Variants in NRXN1 observed in about 807,000 individuals in gnomAD.
NRXN1 encodes the protein neurexin 1.
Under a neutral mutation model 150.9 loss-of-function variants are expected in NRXN1, and 39 were observed. That is an observed-to-expected ratio of 0.26 (90% confidence interval 0.20 to 0.34). The LOEUF (loss-of-function observed/expected upper bound fraction) is 0.34. NRXN1 is among the 10% of genes least tolerant of loss of function. The pLI, the probability that NRXN1 is intolerant of heterozygous loss-of-function variation, is 1.00. For missense variants in NRXN1, 1,815 were observed against 1,949.9 expected (o/e 0.93, Z 1.30); for synonymous variants, 924 against 757.0 (o/e 1.22, Z -3.62).
chr2:50,289,120 G>T (rs1380213311), intron 17 of NRXN1, among the ~76,000 whole-genome samples: 2 of 152,084 alleles, frequency 1.3e-5, no homozygotes, highest in East Asian at 3.9e-4. Flanking sequence ...GCTTGGTTTG[G>T]GAAATGACTT....
At chr2:50,631,200 G>A (rs1682258614) in intron 5 of NRXN1, 1 of 405,918 alleles carries the variant, frequency 2.5e-6, no homozygotes, top group Admixed American at 3.8e-5. Context: ...TGTAAATTCT[G>A]AGTCTAACTT....
intron 17 of NRXN1, among the ~76,000 whole-genome samples, chr2:50,324,679 C>A (rs1186779551): frequency 6.6e-6 from 1 of 152,204 alleles, no homozygotes; most frequent in Non-Finnish European, 1.5e-5. Context: ...GTAGCTGGGA[C>A]TGCAGGCGCC....
chr2:50,767,338 C>T (rs1174335557), intron 5 of NRXN1, among the ~76,000 whole-genome samples: 3 of 151,922 alleles, frequency 2.0e-5, no homozygotes, highest in Non-Finnish European at 4.4e-5. Context: ...TGTATATTTT[C>T]TCCCCCTTAT....
At chr2:50,065,609 G>C (rs1695234742) in intron 19 of NRXN1, among the ~76,000 whole-genome samples, 1 of 152,186 alleles carries the variant, frequency 6.6e-6, no homozygotes, top group Non-Finnish European at 1.5e-5. Flanking sequence ...CAGTGAAGCA[G>C]AGGTAAGTAA....
At chr2:50,084,202 G>A (rs1490895132) in intron 19 of NRXN1, among the ~76,000 whole-genome samples, 1 of 152,230 alleles carries the variant, frequency 6.6e-6, no homozygotes, top group Non-Finnish European at 1.5e-5. Flanking sequence ...CGGGGCGGCA[G>A]ATGGAGCTGC....
intron 12 of NRXN1, among the ~76,000 whole-genome samples, chr2:50,513,976 C>T (rs1019218639): frequency 1.3e-5 from 2 of 152,266 alleles, no homozygotes; most frequent in East Asian, 3.9e-4. Context: ...AATGAACTAT[C>T]TTTATGGTGT....
chr2:50,970,758 T>TA (rs1252117165), intron 2 of NRXN1, among the ~76,000 whole-genome samples: 1 of 151,980 alleles, frequency 6.6e-6, no homozygotes, highest in Admixed American at 6.6e-5. Context: ...GGGACTCTAT[T>TA]ATTGAATAAC....
chr2:50,961,107 T>C (rs1693110067), intron 2 of NRXN1, among the ~76,000 whole-genome samples: 1 of 152,048 alleles, frequency 6.6e-6, no homozygotes, highest in Middle Eastern at 3.4e-3. Flanking sequence ...CTTTAAAGAT[T>C]ATATGTCCAT....
chr2:50,056,485 A>C (rs12617823), intron 19 of NRXN1, among the ~76,000 whole-genome samples: 94,479 of 151,818 alleles, frequency 0.62, 29,659 homozygotes, highest in Middle Eastern at 0.67. Context: ...GAAAACATTA[A>C]TATGTATTTC....
chr2:50,175,928 C>A (rs1401971266), intron 18 of NRXN1, among the ~76,000 whole-genome samples: 2 of 152,038 alleles, frequency 1.3e-5, no homozygotes, highest in East Asian at 3.9e-4. Flanking sequence ...GAAGAAAAAG[C>A]CATGAGGTCT....
chr2:50,758,668 C>T (rs968740664), intron 5 of NRXN1, among the ~76,000 whole-genome samples: 11 of 151,838 alleles, frequency 7.2e-5, no homozygotes, highest in Non-Finnish European at 1.3e-4. Context: ...GAAATGAATT[C>T]GACTGGTGGC....
rs796915626 is a variant in NRXN1 at position 50,380,909 on chromosome 2, C to G, written c.3364+84533G>C. ...AATAAGCATAAGGTATTACATTAGG[C>G]CCTCTAAAGAATACAGCCAGAATCA... On this transcript the variant is annotated intron_variant, in intron 17 of 22. Transcript: ENST00000401669. Among the ~76,000 whole-genome samples, 4 of 152,196 alleles carry G rather than the reference C, an allele frequency of 2.6e-5. 1 individual carries two copies. The highest frequency in any genetic ancestry group is 9.6e-5 in the African/African-American group (4 of 41,538).
At chr2:50,979,494 C>T (rs1026440810) in intron 2 of NRXN1, among the ~76,000 whole-genome samples, 11 of 152,026 alleles carry the variant, frequency 7.2e-5, no homozygotes, top group African/African-American at 2.7e-4. Flanking sequence ...CCTTTTGATT[C>T]CCTTATCATG....
At chr2:50,649,597 G>A (rs1685316132) in intron 5 of NRXN1, among the ~76,000 whole-genome samples, 2 of 151,972 alleles carry the variant, frequency 1.3e-5, no homozygotes, top group African/African-American at 4.8e-5. Flanking sequence ...CTTGAGGGTG[G>A]ATGTCTGTTT....
chr2:50,361,087 C>A (rs757461564), intron 17 of NRXN1, among the ~76,000 whole-genome samples: 1 of 152,114 alleles, frequency 6.6e-6, no homozygotes, highest in Admixed American at 6.6e-5. Flanking sequence ...CACAGCGTAC[C>A]AGCATCTCTA....
intron 5 of NRXN1, among the ~76,000 whole-genome samples, chr2:50,768,715 G>T (rs1455162341): frequency 6.6e-6 from 1 of 151,944 alleles, no homozygotes; most frequent in Non-Finnish European, 1.5e-5. Flanking sequence ...CTATGTGGAA[G>T]GGATAGCTGG....
At chr2:50,091,615 T>C in intron 18 of NRXN1, 121 bp from the exon 19 acceptor site, 4 of 1,039,544 alleles carry the variant, frequency 3.8e-6, no homozygotes, top group Non-Finnish European at 5.8e-6. Flanking sequence ...CCTCCAATTT[T>C]ACTTCTGAAA....
At chr2:50,234,506 C>G (rs540465084) in intron 18 of NRXN1, among the ~76,000 whole-genome samples, 12 of 151,974 alleles carry the variant, frequency 7.9e-5, no homozygotes, top group Non-Finnish European at 1.2e-4. Context: ...ACAACGACAA[C>G]AACAACAACA....
chr2:50,098,486 G>A (rs1299332351), intron 18 of NRXN1, among the ~76,000 whole-genome samples: 1 of 152,052 alleles, frequency 6.6e-6, no homozygotes, highest in Admixed American at 6.6e-5. Flanking sequence ...GGACATAGAA[G>A]TTATGTTCTG....
Sources: gnomAD v4.1 joint callset for allele counts (sites outside exome capture counted in the v4.1 genomes callset) on GRCh38, gnomAD v4.1.1 for gene constraint, MANE v1.5 for transcripts, NCBI Gene and HGNC (gene_info 2026-07-23, HGNC 2026-07-21) for gene names.